CCDC3: variants seen among roughly 807,000 people sequenced by gnomAD.
CCDC3 encodes coiled-coil domain-containing protein 3.
Under a neutral mutation model 21.4 loss-of-function variants are expected in CCDC3, and 24 were observed. The observed-to-expected ratio is 1.12, with a 90% CI of 0.81 to 1.58. The LOEUF is 1.58. CCDC3 is among the 40% of genes most tolerant of loss of function. The pLI, the probability that CCDC3 is intolerant of heterozygous loss-of-function variation, is 0.00. For missense variants in CCDC3, 425 were observed against 360.9 expected, an observed-to-expected ratio of 1.18 and a Z score of -1.44; for synonymous variants, 186 against 166.0, an observed-to-expected ratio of 1.12 and a Z score of -0.93.
intron 5 of CCDC3, chr10:13,049,606 G>T (rs1836576877): frequency 6.6e-6 from 1 of 152,192 alleles, no homozygotes; most frequent in South Asian, 2.1e-4. Context: ...ATTTCTTGGA[G>T]AATTATATTT....
intron 2 of CCDC3, among the ~76,000 whole-genome samples, chr10:12,964,533 T>C (rs1835230157): frequency 6.6e-6 from 1 of 152,150 alleles, no homozygotes; most frequent in Admixed American, 6.5e-5. Context: ...AGAACAACAG[T>C]ACCACGAAGA....
At chr10:12,916,305 G>A (rs1834355703) in intron 2 of CCDC3, among the ~76,000 whole-genome samples, 1 of 152,004 alleles carries the variant, frequency 6.6e-6, no homozygotes, top group South Asian at 2.1e-4. Context: ...GGTGGTGCAT[G>A]CCTGTAATCC....
rs139782688 is a variant in CCDC3 at position 12,935,707 on chromosome 10, C to T, written c.550-37028G>A. 6.0e-3 allele frequency among the ~76,000 whole-genome samples: 907 copies of T among 151,218 alleles called. 7 individuals carry two copies. The highest frequency in any genetic ancestry group is 0.02 in the African/African-American group (836 of 41,096). On this transcript the variant is annotated intron_variant, in intron 2 of 2. Coordinates refer to ENST00000378825, the MANE Select transcript of CCDC3 (RefSeq NM_031455.4). The stretch of plus-strand genomic sequence containing the variant: ...TTGAGACGGAGTCTTGCTCTGTTGC[C>T]GAGGCTGGAGTGCAGTGGCGTGATC...
At chr10:12,976,684 G>A (rs1835421863) in intron 2 of CCDC3, among the ~76,000 whole-genome samples, 1 of 152,210 alleles carries the variant, frequency 6.6e-6, no homozygotes, top group African/African-American at 2.4e-5. Context: ...AATTCTTGCT[G>A]AAAATCCAGT....
chr10:12,973,642 C>G (rs1238627623), intron 2 of CCDC3, among the ~76,000 whole-genome samples: 1 of 152,220 alleles, frequency 6.6e-6, no homozygotes, highest in Non-Finnish European at 1.5e-5. Context: ...ACTCACTGTA[C>G]TCGTTACCCA....
chr10:12,948,738 T>TTTG (rs1351733132), intron 2 of CCDC3, among the ~76,000 whole-genome samples: 3 of 140,800 alleles, frequency 2.1e-5, no homozygotes, highest in Admixed American at 1.4e-4. Context: ...GTTTTTTTTT[T>TTTG]TTTTTTTTTT....
chr10:13,098,917 A>G lies in CCDC3; in HGVS notation c.-581+167T>C, dbSNP rs577890852. 1.1e-4 allele frequency among the ~76,000 whole-genome samples: 17 copies of G among 151,642 alleles called. 1 individual carries two copies. The highest frequency in any genetic ancestry group is 3.6e-4 in the African/African-American group (15 of 41,278). ...TTTTTAGTAGAGACAGGCTTTCACC[A>G]TATTGGCCAGGCTGGTCTCGAACTC... On this transcript the variant is annotated intron_variant, in intron 2 of 6. Transcript: ENST00000378839.
In CCDC3 at chr10:12,924,290, T is replaced by C. The variant is rs11258064; in HGVS notation, c.550-25611A>G. On this transcript the variant is annotated intron_variant, in intron 2 of 2. Coordinates refer to ENST00000378825, the MANE Select transcript of CCDC3 (RefSeq NM_031455.4). ...CTAAGTAAGGCCCTTTGCCGTACAG[T>C]GTGGTTGAAGACATGGAGGGCATTG... Among the ~76,000 whole-genome samples the C allele has an allele frequency of 6.2e-3, 937 of 152,228 alleles. 11 individuals carry two copies. Among genetic ancestry groups the C allele is most frequent in the African/African-American group, 0.021 (878 of 41,532 alleles).
At chr10:13,037,584 G>A (rs12416387) in intron 5 of CCDC3, among the ~76,000 whole-genome samples, 17,681 of 152,062 alleles carry the variant, frequency 0.12, 1,265 homozygotes, top group Middle Eastern at 0.19. Context: ...GAGGAAATTC[G>A]GTGCATTGTC....
At chr10:13,022,875 G>A (rs1836164495) in intron 5 of CCDC3, among the ~76,000 whole-genome samples, 1 of 152,176 alleles carries the variant, frequency 6.6e-6, no homozygotes, top group Non-Finnish European at 1.5e-5. Flanking sequence ...CAAAGTTGAT[G>A]AAAGTGATAT....
At chr10:12,998,614 A>T (rs1468104153) in intron 1 of CCDC3, 102 bp from the exon 2 acceptor site, 8 of 1,021,150 alleles carry the variant, frequency 7.8e-6, no homozygotes, top group Non-Finnish European at 1.0e-5. Flanking sequence ...CCAATTTCAC[A>T]TCAATGTCTG....
chr10:13,006,062 A>C (rs1454889020), upstream of CCDC3, among the ~76,000 whole-genome samples: 1 of 152,168 alleles, frequency 6.6e-6, no homozygotes, highest in African/African-American at 2.4e-5. Context: ...AGGCCTCTAA[A>C]GTATATGGTG....
At chr10:13,024,673 C>G (rs1011836601) in intron 5 of CCDC3, among the ~76,000 whole-genome samples, 1 of 152,152 alleles carries the variant, frequency 6.6e-6, no homozygotes, top group Non-Finnish European at 1.5e-5. Flanking sequence ...TGAACAGGTC[C>G]TTCTCTAGCT....
intron 2 of CCDC3, among the ~76,000 whole-genome samples, chr10:12,917,180 C>CTTTTTTTTTT (rs56054100): frequency 6.9e-5 from 4 of 58,222 alleles, no homozygotes; most frequent in African/African-American, 2.7e-4. Flanking sequence ...ATTTCTTCTT[C>CTTTTTTTTTT]TTTTTTTTTT....
rs533213649 is a variant in CCDC3, at chr10:12,970,906, G to A, written c.549+27432C>T. 1.3e-4 allele frequency among the ~76,000 whole-genome samples: 19 copies of A among 150,890 alleles called. No individual in the cohort carries two copies. The East Asian group carries it at 3.3e-3, about 26-fold the overall frequency. ...CTGTCTCAAAAAAAAAAAAAAAATTGTCAGTCTGCAAACCAATAACTAAGC... is the reference window on the plus strand; with the variant it reads ...CTGTCTCAAAAAAAAAAAAAAAATTATCAGTCTGCAAACCAATAACTAAGC... On this transcript the variant is annotated intron_variant, in intron 2 of 2. Transcript: ENST00000378825.
At chr10:12,900,168 CCTTTAT>C (rs1588995879) in intron 2 of CCDC3, among the ~76,000 whole-genome samples, 1 of 152,166 alleles carries the variant, frequency 6.6e-6, no homozygotes, top group Non-Finnish European at 1.5e-5. Context: ...TTAAACCTTT[CCTTTAT>C]AAGTTACCCA....
chr10:13,038,619 A>T (rs772880020), intron 5 of CCDC3, among the ~76,000 whole-genome samples: 15 of 152,242 alleles, frequency 9.9e-5, no homozygotes, highest in Non-Finnish European at 1.5e-4. Flanking sequence ...AGCAACAAGT[A>T]GCCTGGGGTG....
At chr10:13,048,415 A>T (rs1302960855) in intron 5 of CCDC3, among the ~76,000 whole-genome samples, 2 of 152,072 alleles carry the variant, frequency 1.3e-5, no homozygotes, top group Middle Eastern at 3.4e-3. Context: ...GACAGTCTTG[A>T]TTTCCTGACC....
At chr10:13,076,532 A>T (rs1026629897) in intron 3 of CCDC3, among the ~76,000 whole-genome samples, 7 of 152,368 alleles carry the variant, frequency 4.6e-5, no homozygotes, top group East Asian at 3.9e-4. Flanking sequence ...TAGAAGTAAT[A>T]GTTCCTTTTA....
Sources: gnomAD v4.1 joint callset for allele counts (sites outside exome capture counted in the v4.1 genomes callset) on GRCh38, gnomAD v4.1.1 for gene constraint, MANE v1.5 for transcripts, NCBI Gene and HGNC (gene_info 2026-07-23, HGNC 2026-07-21) for gene names.